Variants in KCNK9 observed in about 807,000 individuals in gnomAD.
KCNK9 encodes the protein potassium channel subfamily K member 9.
A neutral mutation model predicts 10.8 loss-of-function variants in KCNK9; 1 was observed. That is an observed-to-expected ratio of 0.09 (90% CI 0.03 to 0.44). The LOEUF is 0.44. Ranked by LOEUF, KCNK9 falls within the 20% of genes least tolerant of loss-of-function variation. The pLI is 0.97. For synonymous variants in KCNK9, 231 were observed against 222.7 expected (o/e 1.04, Z -0.33); for missense variants, 303 against 515.0 (o/e 0.59, Z 3.98).
intron 1 of KCNK9, among the ~76,000 whole-genome samples, chr8:139,672,059 C>T (rs986331453): frequency 6.6e-6 from 1 of 152,192 alleles, no homozygotes; most frequent in Non-Finnish European, 1.5e-5. Context: ...GGGGTGAGAT[C>T]CTTCCTCAGG....
intron 1 of KCNK9, among the ~76,000 whole-genome samples, chr8:139,675,983 T>C (rs780535437): frequency 6.6e-6 from 1 of 152,218 alleles, no homozygotes; most frequent in Non-Finnish European, 1.5e-5. Flanking sequence ...TTTACAGGCC[T>C]GAGGCATGAG....
intron 1 of KCNK9, among the ~76,000 whole-genome samples, chr8:139,626,659 G>A (rs1473560881): frequency 6.6e-6 from 1 of 152,210 alleles, no homozygotes; most frequent in Non-Finnish European, 1.5e-5. Context: ...ACCCATGGCT[G>A]TCTCCCCCAG....
At chr8:139,699,674 A>G (rs1258878701) in intron 1 of KCNK9, among the ~76,000 whole-genome samples, 1 of 152,200 alleles carries the variant, frequency 6.6e-6, no homozygotes, top group African/African-American at 2.4e-5. Flanking sequence ...TGGTTATGAC[A>G]ATGGTCACTG....
chr8:139,692,122 A>T (rs1236936458), intron 1 of KCNK9, among the ~76,000 whole-genome samples: 1 of 152,188 alleles, frequency 6.6e-6, no homozygotes, highest in African/African-American at 2.4e-5. Context: ...CCAAGCTAAG[A>T]TGACTGAGCA....
chr8:139,670,958 C>T (rs551214851), intron 1 of KCNK9, among the ~76,000 whole-genome samples: 8 of 152,294 alleles, frequency 5.3e-5, no homozygotes, highest in Admixed American at 1.3e-4. Flanking sequence ...CTGTGACGCG[C>T]ACCTGCAGTG....
intron 1 of KCNK9, among the ~76,000 whole-genome samples, chr8:139,622,682 A>G (rs1181222213): frequency 6.6e-6 from 1 of 152,170 alleles, no homozygotes; most frequent in Non-Finnish European, 1.5e-5. Flanking sequence ...TCAGTGTGAG[A>G]GTGCTATTTC....
rs1817244251 is a variant in KCNK9, at chr8:139,702,355, C to G, written c.283+355G>C. On this transcript the variant is annotated intron_variant, in intron 1 of 1. Transcript: ENST00000520439. The surrounding 1 kb of genome is among the most constrained non-coding windows in gnomAD (Gnocchi z 7.5). ...AGGCTCAGAGCCCCGCGCAGCCCAG[C>G]CCGCGCCGGGGCGGTGGGTGGGTGG... 6.6e-6 allele frequency among the ~76,000 whole-genome samples: 1 copy of G among 152,168 alleles called. No homozygotes were observed. The highest frequency in any genetic ancestry group is 2.4e-5 in the African/African-American group (1 of 41,454).
chr8:139,674,184 G>A (rs1295167556), intron 1 of KCNK9, among the ~76,000 whole-genome samples: 1 of 152,214 alleles, frequency 6.6e-6, no homozygotes, highest in Non-Finnish European at 1.5e-5. Context: ...GGGTGATCAG[G>A]CTTAGATGAG....
intron 1 of KCNK9, among the ~76,000 whole-genome samples, chr8:139,624,296 T>C (rs917547083): frequency 1.3e-5 from 2 of 152,216 alleles, no homozygotes; most frequent in Non-Finnish European, 2.9e-5. Context: ...ATAGTGGTGC[T>C]GGTGACAGAC....
intron 1 of KCNK9, among the ~76,000 whole-genome samples, chr8:139,640,422 C>T (rs1391599910): frequency 1.3e-5 from 2 of 152,190 alleles, no homozygotes; most frequent in Non-Finnish European, 2.9e-5. Flanking sequence ...GGTCCCACAG[C>T]CTGCGACACC....
intron 1 of KCNK9, among the ~76,000 whole-genome samples, chr8:139,665,634 G>A (rs115112385): frequency 6.6e-6 from 1 of 152,204 alleles, no homozygotes; most frequent in Non-Finnish European, 1.5e-5. Context: ...CTTCACAGGT[G>A]TTCTGTGGAC....
At chr8:139,633,067 G>A (rs898610056) in intron 1 of KCNK9, among the ~76,000 whole-genome samples, 2 of 152,182 alleles carry the variant, frequency 1.3e-5, no homozygotes, top group Non-Finnish European at 2.9e-5. Flanking sequence ...CGATCTGGCA[G>A]GGTGCAGCCT....
At chr8:139,646,159 C>G (rs1006275191) in intron 1 of KCNK9, among the ~76,000 whole-genome samples, 1 of 152,156 alleles carries the variant, frequency 6.6e-6, no homozygotes, top group African/African-American at 2.4e-5. Context: ...GATGTCACCT[C>G]CCCAGGAAGC....
rs74486116 is a variant in KCNK9, at chr8:139,669,967, C to T, written c.283+32743G>A. On this transcript the variant is annotated intron_variant, in intron 1 of 1. Coordinates refer to ENST00000520439, the MANE Select transcript of KCNK9 (RefSeq NM_001282534.2). ...ATCTCTTTGTACATCTCCATCAGTG[C>T]TCTTGGGTGACAGGTGCATTGTCAA... Among the ~76,000 whole-genome samples the T allele has an allele frequency of 7.9e-3, 1,198 of 152,288 alleles. 16 individuals are homozygous for T. Among genetic ancestry groups the T allele is most frequent in the African/African-American group, 0.028 (1,154 of 41,554 alleles).
At chr8:139,629,136 A>T (rs536845833) in intron 1 of KCNK9, among the ~76,000 whole-genome samples, 23 of 152,302 alleles carry the variant, frequency 1.5e-4, no homozygotes, top group African/African-American at 5.3e-4. Context: ...CTTTCTATGG[A>T]TTGGAAGGCT....
At chr8:139,699,722 G>T (rs1377813171) in intron 1 of KCNK9, among the ~76,000 whole-genome samples, 1 of 152,150 alleles carries the variant, frequency 6.6e-6, no homozygotes, top group East Asian at 1.9e-4. Context: ...TGAGACTCAG[G>T]GTAATATCCC....
At chr8:139,644,396 C>CTG (rs1203160951) in intron 1 of KCNK9, among the ~76,000 whole-genome samples, 1 of 152,218 alleles carries the variant, frequency 6.6e-6, no homozygotes, top group African/African-American at 2.4e-5. Flanking sequence ...AATATTCTAG[C>CTG]TGTGACCCAC....
At chr8:139,614,288 T>G (rs969812531), downstream of KCNK9, among the ~76,000 whole-genome samples, 1 of 152,214 alleles carries the variant, frequency 6.6e-6, no homozygotes, top group Non-Finnish European at 1.5e-5. Flanking sequence ...TGAGCTGAGA[T>G]TCATCAATCT....
At chr8:139,609,410 G>T (rs555328770), downstream of KCNK9, among the ~76,000 whole-genome samples, 6 of 152,332 alleles carry the variant, frequency 3.9e-5, no homozygotes, top group East Asian at 7.7e-4. Flanking sequence ...CCCTCAGAAG[G>T]GGGTAGGGGG....
Sources: gnomAD v4.1 joint callset for allele counts (sites outside exome capture counted in the v4.1 genomes callset) on GRCh38, gnomAD v4.1.1 for gene constraint, Gnocchi (gnomAD v3.1) non-coding constraint, MANE v1.5 for transcripts, NCBI Gene and HGNC (gene_info 2026-07-23, HGNC 2026-07-21) for gene names.